The following TSFM variants were observed in gnomAD, a reference collection of about 807,000 sequenced individuals.
TSFM encodes Ts translation elongation factor, mitochondrial.
A neutral mutation model predicts 33.4 loss-of-function variants in TSFM; 29 were observed. The observed-to-expected ratio is 0.87, with a 90% CI of 0.65 to 1.18. The LOEUF (loss-of-function observed/expected upper bound fraction) is 1.18, where lower values mean the gene tolerates loss of function less well. Among genes scored for constraint, TSFM ranks in the 50% most tolerant of loss-of-function variants. TSFM has a pLI of 0.00. For missense variants in TSFM, 394 were observed against 395.6 expected, an observed-to-expected ratio of 1.00 and a Z score of 0.04; for synonymous variants, 178 against 163.5, an observed-to-expected ratio of 1.09 and a Z score of -0.68.
At position 57,783,193 on chromosome 12, in the gene TSFM, G is replaced by A. The variant is rs779435686; in HGVS notation, c.141G>A (p.Lys47=). The change falls in exon 2 of 6, where the codon AAG becomes AAA. Residue 47 remains lysine, a synonymous_variant. Coordinates refer to ENST00000652027, the MANE Select transcript of TSFM (RefSeq NM_005726.6). ...GPRLSASASS[K]ELLMKLRRKT... is the part of the protein sequence containing the mutation. ...GTCTGTCTGCCTCGGCCTCCAGCAA[G>A]GAGCTCCTCATGAAGCTGCGGCGGA... 3.7e-6 allele frequency: 6 copies of A among 1,613,606 alleles called. No individual in the cohort carries two copies. The highest frequency in any genetic ancestry group is 1.7e-5 in the Admixed American group (1 of 59,996).
intron 5 of TSFM, among the ~76,000 whole-genome samples, chr12:57,793,531 A>G (rs1287174866): frequency 1.3e-5 from 2 of 152,172 alleles, no homozygotes; most frequent in African/African-American, 4.8e-5. Flanking sequence ...CACATTAGGC[A>G]TCTTAAAGAG....
downstream of TSFM, chr12:57,801,000 T>C (rs1955835700): frequency 3.4e-6 from 2 of 591,202 alleles, no homozygotes; most frequent in African/African-American, 3.8e-5. Context: ...TTTCTATTGA[T>C]TACAAAAAGT....
At chr12:57,788,965 C>CTT (rs35955000) in intron 4 of TSFM, among the ~76,000 whole-genome samples, 54 of 136,102 alleles carry the variant, frequency 4.0e-4, no homozygotes, top group Admixed American at 1.4e-3. Context: ...TATCATCGCC[C>CTT]TTTTTTTTTT....
downstream of TSFM, chr12:57,797,655 C>G: frequency 6.0e-6 from 5 of 828,396 alleles, no homozygotes; most frequent in Non-Finnish European, 7.6e-6. Flanking sequence ...GAGGCTTTAG[C>G]TAGAGGGCCA....
chr12:57,790,147 T>A (rs1955643824), intron 4 of TSFM, among the ~76,000 whole-genome samples: 1 of 142,824 alleles, frequency 7.0e-6, no homozygotes, highest in African/African-American at 2.6e-5. Flanking sequence ...CGCTGCTACC[T>A]CTGCCTCCTG....
At chr12:57,786,406 C>A in intron 3 of TSFM, 115 bp downstream of exon 3, 1 of 1,294,050 alleles carries the variant, frequency 7.7e-7, no homozygotes, top group Non-Finnish European at 1.0e-6. Flanking sequence ...AACCATAAAG[C>A]GTAGTTGAAG....
At chr12:57,802,657 A>C, downstream of TSFM, 1 of 657,936 alleles carries the variant, frequency 1.5e-6, no homozygotes, top group Non-Finnish European at 2.7e-6. Flanking sequence ...TAAAAATAAC[A>C]CCTTCAGGAT....
At chr12:57,795,866 T>TC (rs1372322798) in intron 5 of TSFM, among the ~76,000 whole-genome samples, 2 of 152,138 alleles carry the variant, frequency 1.3e-5, no homozygotes, top group Admixed American at 6.5e-5. Context: ...TCTACCCGCT[T>TC]CAGCCTCCCA....
chr12:57,797,582 ATTGTTTTTTGGTTCTC>A, exon 6 of TSFM: 1 of 922,478 alleles, frequency 1.1e-6, no homozygotes, highest in Non-Finnish European at 1.3e-6. Flanking sequence ...CATTTTAAGC[ATTGTTTTTTGGTTCTC>A]TTTCTTTTGA....
chr12:57,784,916 C>CCTTT (rs1955569855), intron 2 of TSFM, among the ~76,000 whole-genome samples: 1 of 79,142 alleles, frequency 1.3e-5, no homozygotes, highest in African/African-American at 4.7e-5. Flanking sequence ...ATTGAAATAT[C>CCTTT]TTTTTTTTTT....
At position 57,797,069 on chromosome 12, in the gene TSFM, C is replaced by G. The variant is rs139144398; in HGVS notation, c.*486C>G. ...TGTGGGTTCTCTTCTTTGTGATTGT[C>G]TGTAGTATGCTTTGAAGGTGCTCTG... On this transcript the variant is annotated 3_prime_UTR_variant, in exon 6 of 6. Coordinates refer to ENST00000652027, the MANE Select transcript of TSFM (RefSeq NM_005726.6). 3.6e-5 allele frequency: 35 copies of G among 985,306 alleles called. No homozygotes were observed. The highest frequency in any genetic ancestry group is 4.2e-5 in the Non-Finnish European group (35 of 829,808). The allele number at this position is 985,306 out of a possible 1,614,324, so 61.0% of individuals were successfully genotyped here.
At chr12:57,787,307 C>T (rs921149752) in intron 4 of TSFM, 145 bp downstream of exon 4, 7 of 852,346 alleles carry the variant, frequency 8.2e-6, no homozygotes, top group Non-Finnish European at 1.2e-5. Context: ...ATTACCCTTC[C>T]CCCGTTGCTA....
At chr12:57,784,916 CTTTTTTTTTTTTTT>C (rs1164168295) in intron 2 of TSFM, among the ~76,000 whole-genome samples, 2 of 79,142 alleles carry the variant, frequency 2.5e-5, no homozygotes, top group Admixed American at 1.6e-4. Flanking sequence ...ATTGAAATAT[CTTTTTTTTTTTTTT>C]TTTTTTTTTT....
intron 4 of TSFM, among the ~76,000 whole-genome samples, chr12:57,789,459 G>A (rs542033331): frequency 1.8e-4 from 28 of 152,256 alleles, no homozygotes; most frequent in African/African-American, 6.7e-4. Flanking sequence ...CACCTCCTGG[G>A]TTCGAGCAAT....
downstream of TSFM, chr12:57,799,664 G>A (rs1442780042): frequency 3.8e-6 from 5 of 1,331,318 alleles, no homozygotes; most frequent in Middle Eastern, 2.7e-4. Context: ...TTTGGTTTGA[G>A]TTCCTAGGTA....
At chr12:57,792,688 G>C (rs1293999502) in intron 4 of TSFM, among the ~76,000 whole-genome samples, 2 of 152,100 alleles carry the variant, frequency 1.3e-5, no homozygotes, top group Non-Finnish European at 2.9e-5. Flanking sequence ...CGCCTCCCAG[G>C]TTTAAGCGAT....
At chr12:57,802,070 A>C, downstream of TSFM, 1 of 1,420,736 alleles carries the variant, frequency 7.0e-7, no homozygotes, top group Non-Finnish European at 9.6e-7. Context: ...GGTTTCACTG[A>C]GCCGTGAATC....
At chr12:57,792,448 C>T (rs376854511) in intron 4 of TSFM, among the ~76,000 whole-genome samples, 8 of 152,034 alleles carry the variant, frequency 5.3e-5, no homozygotes, top group African/African-American at 1.9e-4. Flanking sequence ...GGAAGTTAGG[C>T]TGGAGGATGA....
chr12:57,783,676 C>T lies in TSFM; in HGVS notation c.231+393C>T, dbSNP rs150112554. 501 of 584,860 alleles carry T rather than the reference C, an allele frequency of 8.6e-4. 7 individuals carry two copies. The highest frequency in any genetic ancestry group is 8.0e-3 in the African/African-American group (435 of 54,396). 36.2% of individuals were successfully genotyped at this position (584,860 alleles called of 1,614,324 possible). A position where few individuals can be genotyped will look rare whatever the true frequency, so the allele number is the denominator to read the frequency against. On this transcript the variant is annotated intron_variant, in intron 2 of 5. Coordinates refer to ENST00000652027, the MANE Select transcript of TSFM (RefSeq NM_005726.6). Reference sequence around the variant, plus strand: ...TGGCACGATGTTGGCTCACTGCAACCTCCGCCTCCCGGGTTCAAGCGATTC... The same window carrying T: ...TGGCACGATGTTGGCTCACTGCAACTTCCGCCTCCCGGGTTCAAGCGATTC...
Sources: gnomAD v4.1 joint callset for allele counts (sites outside exome capture counted in the v4.1 genomes callset) on GRCh38, gnomAD v4.1.1 for gene constraint, MANE v1.5 for transcripts, NCBI Gene and HGNC (gene_info 2026-07-23, HGNC 2026-07-21) for gene names.